Variants in SLC8A3 observed in about 807,000 individuals in gnomAD.
SLC8A3 encodes the protein solute carrier family 8 member A3, also known as sodium/calcium exchanger 3.
A neutral mutation model predicts 65.4 loss-of-function variants in SLC8A3; 37 were observed. The ratio of observed to expected loss-of-function variants is 0.57; its 90% CI spans 0.44 to 0.74. SLC8A3 has a LOEUF of 0.74. Ranked by LOEUF, SLC8A3 falls within the 30% of genes least tolerant of loss-of-function variation. The pLI, the probability that SLC8A3 is intolerant of heterozygous loss-of-function variation, is 0.00. For synonymous variants in SLC8A3, 461 were observed against 444.5 expected, an observed-to-expected ratio of 1.04 and a Z score of -0.47; for missense variants, 1,112 against 1,172.1, an observed-to-expected ratio of 0.95 and a Z score of 0.75.
chr14:70,174,190 T>G (rs1897722479), intron 1 of SLC8A3, among the ~76,000 whole-genome samples: 1 of 152,164 alleles, frequency 6.6e-6, no homozygotes, highest in Non-Finnish European at 1.5e-5. Context: ...GAGCAAAGGC[T>G]CAAGGAGGGC....
chr14:70,149,024 G>A (rs764627806), intron 2 of SLC8A3, among the ~76,000 whole-genome samples: 25 of 152,198 alleles, frequency 1.6e-4, no homozygotes, highest in Non-Finnish European at 3.2e-4. Context: ...AAGCTGTGTT[G>A]TGAAAAGGGA....
intron 2 of SLC8A3, among the ~76,000 whole-genome samples, chr14:70,150,620 C>T (rs1055528303): frequency 4.6e-5 from 7 of 152,170 alleles, no homozygotes; most frequent in Admixed American, 1.3e-4. Context: ...ACAGCCATAG[C>T]TTGGCTGCCC....
chr14:70,068,216 C>A (rs1036865614), intron 2 of SLC8A3, among the ~76,000 whole-genome samples: 1 of 152,160 alleles, frequency 6.6e-6, no homozygotes, highest in African/African-American at 2.4e-5. Context: ...CATTGAGTTC[C>A]TTTAGAGTGA....
At chr14:70,085,228 G>C (rs763436653) in intron 2 of SLC8A3, among the ~76,000 whole-genome samples, 1 of 151,918 alleles carries the variant, frequency 6.6e-6, no homozygotes. Flanking sequence ...TTGGGAAGGG[G>C]AATAGATTAG....
intron 1 of SLC8A3, among the ~76,000 whole-genome samples, chr14:70,174,691 G>A (rs75513098): frequency 0.12 from 3,265 of 26,850 alleles, 182 homozygotes; most frequent in East Asian, 0.49. Flanking sequence ...TTTTTTTTTT[G>A]CCTATTAAGG....
intron 2 of SLC8A3, among the ~76,000 whole-genome samples, chr14:70,139,407 G>A (rs1895419581): frequency 6.6e-6 from 1 of 152,220 alleles, no homozygotes; most frequent in Non-Finnish European, 1.5e-5. Context: ...GCATCAAAAT[G>A]AGCAGAGCAG....
At chr14:70,048,201 G>C (rs1390372156) in intron 6 of SLC8A3, 1 of 170,610 alleles carries the variant, frequency 5.9e-6, no homozygotes, top group African/African-American at 2.4e-5. Flanking sequence ...TCCTTTGGCT[G>C]TCCTGCTAGG....
At chr14:70,056,975 G>A (rs1430372135) in intron 3 of SLC8A3, among the ~76,000 whole-genome samples, 4 of 152,096 alleles carry the variant, frequency 2.6e-5, no homozygotes, top group African/African-American at 7.2e-5. Flanking sequence ...TAAAGGTCTG[G>A]GAAGAGCTTG....
At chr14:70,071,887 AAG>A (rs751654069) in intron 2 of SLC8A3, among the ~76,000 whole-genome samples, 31 of 152,188 alleles carry the variant, frequency 2.0e-4, no homozygotes, top group Non-Finnish European at 3.5e-4. Context: ...TGTGAACAAA[AAG>A]AGTGTTTCGG....
chr14:70,054,513 G>A (rs111508572), intron 3 of SLC8A3, among the ~76,000 whole-genome samples: 2,272 of 151,798 alleles, frequency 0.015, 35 homozygotes, highest in African/African-American at 0.037. Flanking sequence ...ATTTATGTGA[G>A]GGGGGGCGGG....
chr14:70,110,652 T>C, intron 2 of SLC8A3, among the ~76,000 whole-genome samples: 1 of 148,930 alleles, frequency 6.7e-6, no homozygotes, highest in Non-Finnish European at 1.5e-5. Context: ...GCTGCAAACA[T>C]GAGAGTGCAG....
At chr14:70,164,066 C>T (rs1464696752) in intron 2 of SLC8A3, among the ~76,000 whole-genome samples, 1 of 152,138 alleles carries the variant, frequency 6.6e-6, no homozygotes, top group Non-Finnish European at 1.5e-5. Flanking sequence ...GTCAATATTA[C>T]TATGAAGAGT....
intron 2 of SLC8A3, among the ~76,000 whole-genome samples, chr14:70,082,868 G>A (rs1030561814): frequency 6.6e-6 from 1 of 152,098 alleles, no homozygotes; most frequent in Non-Finnish European, 1.5e-5. Flanking sequence ...CAATACTGAT[G>A]GAAATGCTCT....
chr14:70,186,897 C>G (rs577998555), intron 1 of SLC8A3, among the ~76,000 whole-genome samples: 1 of 152,296 alleles, frequency 6.6e-6, no homozygotes, highest in South Asian at 2.1e-4. Context: ...AAGAGCATGG[C>G]GCAGCAGCTA....
At chr14:70,143,274 T>A (rs1182815304) in intron 2 of SLC8A3, among the ~76,000 whole-genome samples, 1 of 152,212 alleles carries the variant, frequency 6.6e-6, no homozygotes. Context: ...CTCGTAATAA[T>A]CCTGTGAGGA....
At chr14:70,128,274 G>T (rs1428661521) in intron 2 of SLC8A3, among the ~76,000 whole-genome samples, 1 of 152,102 alleles carries the variant, frequency 6.6e-6, no homozygotes, top group East Asian at 1.9e-4. Flanking sequence ...CACAACTGCT[G>T]CAAAACTAAC....
chr14:70,080,746 C>T (rs529853111), intron 2 of SLC8A3, among the ~76,000 whole-genome samples: 1 of 152,294 alleles, frequency 6.6e-6, no homozygotes, highest in Non-Finnish European at 1.5e-5. Flanking sequence ...TTTATTTGTG[C>T]ACGGAGCTCC....
chr14:70,097,421 G>A (rs973616230), intron 2 of SLC8A3, among the ~76,000 whole-genome samples: 4 of 152,066 alleles, frequency 2.6e-5, no homozygotes, highest in African/African-American at 9.7e-5. Flanking sequence ...TGTGTGACAG[G>A]CCAACAACAC....
chr14:70,158,331 T>G (rs1896696415), intron 2 of SLC8A3, among the ~76,000 whole-genome samples: 1 of 152,088 alleles, frequency 6.6e-6, no homozygotes. Flanking sequence ...CGTTTGGAGA[T>G]AGAAGTGGGG....
Sources: allele counts gnomAD v4.1 joint callset (sites outside exome capture counted in the v4.1 genomes callset), GRCh38; gene constraint gnomAD v4.1.1; transcripts MANE v1.5; gene names NCBI Gene and HGNC (gene_info 2026-07-23, HGNC 2026-07-21).